The following CACNA1E variants were observed in gnomAD, a reference collection of about 807,000 sequenced individuals.
CACNA1E encodes the protein calcium voltage-gated channel subunit alpha1 E.
In CACNA1E, 40 loss-of-function variants were observed where a neutral mutation model predicts 259.2. The observed-to-expected ratio is 0.15, with a 90% CI of 0.12 to 0.20. CACNA1E has a LOEUF of 0.20. CACNA1E is among the 10% of genes least tolerant of loss of function. CACNA1E has a pLI of 1.00. For synonymous variants in CACNA1E, 1,104 were observed against 1,138.5 expected (o/e 0.97, Z 0.61); for missense variants, 1,874 against 3,040.1 (o/e 0.62, Z 9.02).
intron 16 of CACNA1E, among the ~76,000 whole-genome samples, chr1:181,722,478 T>G (rs1305647738): frequency 6.6e-6 from 1 of 152,188 alleles, no homozygotes; most frequent in Non-Finnish European, 1.5e-5. Context: ...CAGTGCCCTA[T>G]CCAATCACAA....
chr1:181,667,138 T>TTGA (rs1368984096), intron 7 of CACNA1E, among the ~76,000 whole-genome samples: 1 of 152,128 alleles, frequency 6.6e-6, no homozygotes, highest in Non-Finnish European at 1.5e-5. Context: ...AAATTTTAGA[T>TTGA]TGATTATATA....
intron 6 of CACNA1E, among the ~76,000 whole-genome samples, chr1:181,585,019 C>T (rs188901913): frequency 1.3e-5 from 2 of 149,440 alleles, no homozygotes; most frequent in African/African-American, 4.9e-5. Flanking sequence ...GGTCCCCCCC[C>T]CTGCCTCAAA....
chr1:181,795,554 C>T (rs1220709632), intron 46 of CACNA1E, among the ~76,000 whole-genome samples: 2 of 151,764 alleles, frequency 1.3e-5, no homozygotes, highest in African/African-American at 2.4e-5. Context: ...CATTCTCCTG[C>T]CTCAGCCTCC....
At chr1:181,381,058 C>T (rs535738802) in intron 1 of CACNA1E, among the ~76,000 whole-genome samples, 5 of 151,710 alleles carry the variant, frequency 3.3e-5, no homozygotes, top group Non-Finnish European at 5.9e-5. Context: ...CCCAGCTACT[C>T]GGGAGGCTGA....
intron 21 of CACNA1E, among the ~76,000 whole-genome samples, chr1:181,734,270 C>T (rs945375436): frequency 2.0e-5 from 3 of 152,102 alleles, no homozygotes; most frequent in Non-Finnish European, 4.4e-5. Flanking sequence ...TTCTATTGCT[C>T]TTATCAACTC....
chr1:181,639,380 G>T (rs1443871429), intron 6 of CACNA1E, among the ~76,000 whole-genome samples: 2 of 152,314 alleles, frequency 1.3e-5, no homozygotes, highest in East Asian at 3.9e-4. Context: ...GAGCCACCAC[G>T]CCCAGCCGAG....
intron 3 of CACNA1E, among the ~76,000 whole-genome samples, chr1:181,540,306 C>T (rs1376086395): frequency 6.6e-6 from 1 of 152,172 alleles, no homozygotes; most frequent in East Asian, 1.9e-4. Flanking sequence ...CCTGTGTTTA[C>T]TACCCTAATC....
chr1:181,547,635 A>G (rs1647635433), intron 3 of CACNA1E, among the ~76,000 whole-genome samples: 1 of 152,246 alleles, frequency 6.6e-6, no homozygotes, highest in Non-Finnish European at 1.5e-5. Context: ...AAAGATGTAG[A>G]GGAAGCATTC....
chr1:181,583,144 A>ACACT (rs917919458), intron 6 of CACNA1E, among the ~76,000 whole-genome samples: 4 of 150,156 alleles, frequency 2.7e-5, no homozygotes, highest in African/African-American at 9.8e-5. Context: ...ACACACACAC[A>ACACT]CTTATACACA....
chr1:181,698,265 A>C (rs1175156773), intron 7 of CACNA1E, among the ~76,000 whole-genome samples: 3 of 152,200 alleles, frequency 2.0e-5, no homozygotes, highest in Non-Finnish European at 4.4e-5. Context: ...GATTTGAGTT[A>C]ATATTTCAAG....
At chr1:181,737,341 A>G (rs1174012630) in intron 22 of CACNA1E, among the ~76,000 whole-genome samples, 184 bp from the exon 23 acceptor site, 1 of 152,164 alleles carries the variant, frequency 6.6e-6, no homozygotes, top group Non-Finnish European at 1.5e-5. Flanking sequence ...CAATCTGATT[A>G]CCTTCCTCCA....
At chr1:181,548,148 A>G (rs1375909865) in intron 3 of CACNA1E, among the ~76,000 whole-genome samples, 1 of 18,210 alleles carries the variant, frequency 5.5e-5, no homozygotes, top group Non-Finnish European at 2.8e-4. Flanking sequence ...TTTTTGAGTC[A>G]GGGTCTCATT....
intron 7 of CACNA1E, among the ~76,000 whole-genome samples, chr1:181,708,401 T>G (rs1464691354): frequency 6.6e-6 from 1 of 152,184 alleles, no homozygotes; most frequent in African/African-American, 2.4e-5. Flanking sequence ...AAGGGCCACT[T>G]AAGTCACTTT....
chr1:181,688,687 G>C (rs1200750366), intron 7 of CACNA1E, among the ~76,000 whole-genome samples: 2 of 151,996 alleles, frequency 1.3e-5, no homozygotes, highest in Non-Finnish European at 2.9e-5. Flanking sequence ...CTCAGTAATT[G>C]TCAAATATAC....
At chr1:181,531,825 C>T (rs768804127) in intron 3 of CACNA1E, among the ~76,000 whole-genome samples, 11 of 152,166 alleles carry the variant, frequency 7.2e-5, no homozygotes, top group African/African-American at 1.4e-4. Flanking sequence ...GAGGCCAAGG[C>T]GGGTCCATCA....
chr1:181,764,315 A>C (rs1658843673), intron 34 of CACNA1E, among the ~76,000 whole-genome samples: 2 of 152,234 alleles, frequency 1.3e-5, no homozygotes, highest in South Asian at 4.1e-4. Context: ...GCCTGTTCTT[A>C]CCAAAATGAG....
chr1:181,772,824 G>GTGTT (rs369446449), intron 37 of CACNA1E, among the ~76,000 whole-genome samples: 9 of 152,162 alleles, frequency 5.9e-5, no homozygotes, highest in South Asian at 2.1e-4. Flanking sequence ...ATTGCTTTGG[G>GTGTT]TGTTAGTAAA....
At chr1:181,466,911 C>T (rs1037238197) in intron 2 of CACNA1E, among the ~76,000 whole-genome samples, 1 of 152,192 alleles carries the variant, frequency 6.6e-6, no homozygotes, top group Non-Finnish European at 1.5e-5. Flanking sequence ...GGGAAATACA[C>T]ACAGTCTTCT....
intron 25 of CACNA1E, among the ~76,000 whole-genome samples, chr1:181,747,341 CG>C (rs1558339924): frequency 1.3e-5 from 2 of 152,076 alleles, no homozygotes; most frequent in Admixed American, 6.5e-5. Flanking sequence ...AGGTGAAGAG[CG>C]GGATTACATT....
Sources: allele counts gnomAD v4.1 joint callset (sites outside exome capture counted in the v4.1 genomes callset), GRCh38; gene constraint gnomAD v4.1.1; transcripts MANE v1.5; gene names NCBI Gene and HGNC (gene_info 2026-07-23, HGNC 2026-07-21).